ESYT2: variants seen among roughly 807,000 people sequenced by gnomAD.
ESYT2 encodes the protein extended synaptotagmin-2.
A neutral mutation model predicts 107.2 loss-of-function variants in ESYT2; 54 were observed. That is an observed-to-expected ratio of 0.50 (90% CI 0.40 to 0.63). The LOEUF (loss-of-function observed/expected upper bound fraction) is 0.63, where lower values mean the gene tolerates loss of function less well. Among genes scored for constraint, ESYT2 ranks in the 30% least tolerant of loss-of-function variants. ESYT2 has a pLI of 0.00. For missense variants in ESYT2, 1,020 were observed against 1,094.5 expected, an observed-to-expected ratio of 0.93 and a Z score of 0.96; for synonymous variants, 491 against 434.1, an observed-to-expected ratio of 1.13 and a Z score of -1.63.
At chr7:158,741,135 C>T (rs1837185352) in intron 18 of ESYT2, among the ~76,000 whole-genome samples, 1 of 152,204 alleles carries the variant, frequency 6.6e-6, no homozygotes, top group Non-Finnish European at 1.5e-5. Flanking sequence ...GCAGGTCTGT[C>T]CTCACACAAC....
At chr7:158,766,682 A>AC (rs1228486882) in intron 8 of ESYT2, among the ~76,000 whole-genome samples, 3 of 152,210 alleles carry the variant, frequency 2.0e-5, no homozygotes, top group African/African-American at 7.2e-5. Context: ...ATCTACTTCT[A>AC]CTTCAGCGAA....
intron 18 of ESYT2, 44 bp from the exon 19 acceptor site, chr7:158,739,165 A>G: frequency 1.3e-6 from 2 of 1,545,552 alleles, no homozygotes; most frequent in African/African-American, 1.4e-5. Flanking sequence ...CTGAGACTGG[A>G]GAACGTTGTG....
intron 2 of ESYT2, 133 bp from the exon 3 acceptor site, chr7:158,798,209 G>A: frequency 1.1e-6 from 1 of 924,706 alleles, no homozygotes; most frequent in Non-Finnish European, 1.6e-6. Context: ...TTGTTGTTAT[G>A]CAAAATCAAC....
chr7:158,752,728 T>C, intron 14 of ESYT2, 53 bp downstream of exon 14: 1 of 1,180,418 alleles, frequency 8.5e-7, no homozygotes, highest in Non-Finnish European at 1.1e-6. Flanking sequence ...CAAAGTATCA[T>C]CTCTTTCAAT....
intron 1 of ESYT2, among the ~76,000 whole-genome samples, chr7:158,814,315 AT>A (rs1840083271): frequency 2.1e-4 from 2 of 9,396 alleles, no homozygotes; most frequent in African/African-American, 3.3e-4. Flanking sequence ...ATATATATAT[AT>A]ATATATATAT....
intron 13 of ESYT2, among the ~76,000 whole-genome samples, chr7:158,754,309 C>G (rs950847615): frequency 2.0e-5 from 3 of 152,130 alleles, no homozygotes; most frequent in Non-Finnish European, 4.4e-5. Flanking sequence ...TGGGTTCAAG[C>G]GATTCTCCTC....
intron 6 of ESYT2, among the ~76,000 whole-genome samples, chr7:158,774,698 G>T (rs982021876): frequency 1.3e-5 from 2 of 152,222 alleles, no homozygotes; most frequent in Non-Finnish European, 2.9e-5. Context: ...CTATCATTTA[G>T]TTCTGAAGGT....
chr7:158,742,220 C>T (rs1837238111), intron 17 of ESYT2, among the ~76,000 whole-genome samples: 1 of 152,092 alleles, frequency 6.6e-6, no homozygotes, highest in African/African-American at 2.4e-5. Flanking sequence ...GGGGCATCGC[C>T]GAGGCCTGCG....
intron 6 of ESYT2, among the ~76,000 whole-genome samples, chr7:158,786,877 A>T (rs1839132513): frequency 6.6e-6 from 1 of 152,232 alleles, no homozygotes. Context: ...GACAGTTATG[A>T]TCCTTGCTTT....
intron 16 of ESYT2, 102 bp from the exon 17 acceptor site, chr7:158,743,780 CT>C: frequency 7.5e-7 from 1 of 1,327,786 alleles, no homozygotes; most frequent in Non-Finnish European, 9.9e-7. Flanking sequence ...GAGATAGGAA[CT>C]TAGAAAATGT....
chr7:158,790,746 G>A (rs915588842), intron 4 of ESYT2, among the ~76,000 whole-genome samples: 2 of 152,106 alleles, frequency 1.3e-5, no homozygotes, highest in South Asian at 2.1e-4. Context: ...GGCCAACAAG[G>A]TGGAAACCTT....
intron 6 of ESYT2, among the ~76,000 whole-genome samples, chr7:158,781,643 G>A (rs1173355332): frequency 1.3e-5 from 2 of 151,284 alleles, no homozygotes; most frequent in South Asian, 2.1e-4. Context: ...AAAGTGAGGT[G>A]TGTGAAAGAA....
intron 1 of ESYT2, among the ~76,000 whole-genome samples, chr7:158,823,705 T>G (rs1840358554): frequency 6.6e-6 from 1 of 152,128 alleles, no homozygotes; most frequent in South Asian, 2.1e-4. Flanking sequence ...GTAAACAGTT[T>G]GATGGTTTTT....
At chr7:158,799,110 C>T (rs767628439) in intron 1 of ESYT2, 38 bp from the exon 2 acceptor site, 7 of 1,566,240 alleles carry the variant, frequency 4.5e-6, no homozygotes, top group Non-Finnish European at 6.1e-6. Context: ...TATTAACTCC[C>T]AACAACTGTA....
intron 6 of ESYT2, among the ~76,000 whole-genome samples, chr7:158,775,292 G>A (rs1472423628): frequency 6.6e-6 from 1 of 152,194 alleles, no homozygotes; most frequent in African/African-American, 2.4e-5. Context: ...ACTGACCGGG[G>A]TGGTGGTTGC....
chr7:158,737,152 G>A lies in ESYT2; in HGVS notation c.2295C>T (p.Gly765=). ...CRNLIAFSED[G]SDPYVRMYLL... is the part of the protein sequence containing the mutation. ...AATACATGCGGACATAGGGGTCAGAGCCGTCTTCAGAGAAGGCAATGAGGT... is the reference window on the plus strand; with the variant it reads ...AATACATGCGGACATAGGGGTCAGAACCGTCTTCAGAGAAGGCAATGAGGT... The change falls in exon 20 of 23, where the codon GGC becomes GGT. Residue 765 remains glycine, a synonymous_variant. Transcript: ENST00000275418. 1 of 1,613,886 alleles carries A rather than the reference G, an allele frequency of 6.2e-7. No homozygotes were observed.
intron 6 of ESYT2, among the ~76,000 whole-genome samples, chr7:158,785,078 T>C (rs1839061775): frequency 6.6e-6 from 1 of 152,154 alleles, no homozygotes; most frequent in Non-Finnish European, 1.5e-5. Flanking sequence ...AAACACCAAT[T>C]GGTTGAGTTC....
Position 158,759,544 on chromosome 7 carries a change from T to C in ESYT2, c.1361A>G (p.Asn454Ser), listed in dbSNP as rs370521803. ...CAGCAATGCAGAGGAAAGACCATCGTTGGCTTGGTCTTTGTCAGCTTTGAT... is the reference window on the plus strand; with the variant it reads ...CAGCAATGCAGAGGAAAGACCATCGCTGGCTTGGTCTTTGTCAGCTTTGAT... ...TDIKADKDQA[N>S]DGLSSALLIL... Residue 454 changes from asparagine to serine, a missense_variant, in exon 13 of 23, where the codon AAC (asparagine) becomes AGC (serine). Physicochemically the swap from Asn to Ser is conservative, Grantham distance 46. Coordinates refer to ENST00000275418, the MANE Select transcript of ESYT2 (RefSeq NM_001367773.1). 11 of 1,612,836 alleles carry C rather than the reference T, an allele frequency of 6.8e-6. No homozygotes were observed. Among genetic ancestry groups the C allele is most frequent in the African/African-American group, 4.0e-5 (3 of 74,910 alleles).
chr7:158,811,150 C>CT (rs1364987331), intron 1 of ESYT2, among the ~76,000 whole-genome samples: 2 of 151,824 alleles, frequency 1.3e-5, no homozygotes, highest in Non-Finnish European at 2.9e-5. Context: ...CAGAATGACA[C>CT]TGTCTCTTAA....
Sources: gnomAD v4.1 joint callset for allele counts (sites outside exome capture counted in the v4.1 genomes callset) on GRCh38, gnomAD v4.1.1 for gene constraint, MANE v1.5 for transcripts, NCBI Gene and HGNC (gene_info 2026-07-23, HGNC 2026-07-21) for gene names.